Variants in ZNF596 observed in about 807,000 individuals in gnomAD.
ZNF596 encodes the protein zinc finger protein 596.
A neutral mutation model predicts 48.3 loss-of-function variants in ZNF596; 45 were observed. The observed-to-expected ratio is 0.93, with a 90% CI of 0.73 to 1.19. The LOEUF (loss-of-function observed/expected upper bound fraction) is 1.19. Among genes scored for constraint, ZNF596 ranks in the 50% most tolerant of loss-of-function variants. ZNF596 has a pLI of 0.00. For missense variants in ZNF596, 848 were observed against 599.7 expected, an observed-to-expected ratio of 1.41 and a Z score of -4.32; for synonymous variants, 270 against 202.0, an observed-to-expected ratio of 1.34 and a Z score of -2.85.
rs768995500 is a variant in ZNF596 at position 246,307 on chromosome 8, T to G, written c.1460T>G (p.Phe487Cys). Residue 487 changes from phenylalanine to cysteine, a missense_variant, in exon 6 of 6, where the codon TTT becomes TGT. Phe to Cys is a radical substitution (Grantham distance 205, BLOSUM62 -2). Transcript: ENST00000398612. ...CPLCGKAFSKFFNLRQHERTH... is the reference protein window; with the variant it reads ...CPLCGKAFSKCFNLRQHERTH... ...CTATGTGGGAAAGCCTTTAGTAAAT[T>G]TTTTAACCTTAGACAACATGAGAGA... The G allele has an allele frequency of 5.0e-6, 8 of 1,605,970 alleles. No individual in the cohort carries two copies. The highest frequency in any genetic ancestry group is 1.3e-5 in the African/African-American group (1 of 74,250).
chr8:240,928 T>C (rs758648390), intron 2 of ZNF596, 21 bp downstream of exon 2: 1 of 1,614,008 alleles, frequency 6.2e-7, no homozygotes, highest in Admixed American at 1.7e-5. Context: ...AATTCTTCTT[T>C]CTACTGAAAT....
chr8:244,446 G>A (rs1463853983), intron 4 of ZNF596, 173 bp from the exon 5 acceptor site: 1 of 581,966 alleles, frequency 1.7e-6, no homozygotes, highest in Non-Finnish European at 3.0e-6. Context: ...TTTATATGCT[G>A]AAAATGTCAG....
intron 2 of ZNF596, 138 bp downstream of exon 2, chr8:241,045 T>C (rs1796833658): frequency 3.2e-5 from 34 of 1,074,766 alleles, no homozygotes; most frequent in Non-Finnish European, 1.4e-5. Flanking sequence ...GGCTTCGGAA[T>C]GTTTACATTG....
intron 5 of ZNF596, 51 bp downstream of exon 5, chr8:244,752 T>C (rs1437146358): frequency 2.0e-6 from 3 of 1,491,988 alleles, no homozygotes; most frequent in African/African-American, 1.4e-5. Flanking sequence ...ACCTGGACAT[T>C]AAACAACTTT....
At position 240,862 on chromosome 8, in the gene ZNF596, C is replaced by T; in HGVS notation, c.-34C>T. ...GTGCTTGGATGGTGTGAGTGAAAAC[C>T]CAGAGGAATACATTTGGTGGCTGAG... On this transcript the variant is annotated 5_prime_UTR_variant, in exon 2 of 6. Transcript: ENST00000398612. 6.2e-7 allele frequency: 1 copy of T among 1,613,704 alleles called. No homozygotes were observed. Among genetic ancestry groups the T allele is most frequent in the Non-Finnish European group, 8.5e-7 (1 of 1,179,770 alleles).
At chr8:236,531 A>T (rs568463212) in intron 1 of ZNF596, among the ~76,000 whole-genome samples, 11 of 152,286 alleles carry the variant, frequency 7.2e-5, no homozygotes, top group African/African-American at 2.6e-4. Flanking sequence ...TAACTGCTGA[A>T]TATATTGTTG....
At chr8:232,878 T>C in intron 1 of ZNF596, 184 bp downstream of exon 1, 1 of 465,380 alleles carries the variant, frequency 2.1e-6, no homozygotes, top group Non-Finnish European at 4.5e-6. Flanking sequence ...GACAGGACCC[T>C]GAGTCCGAGA....
intron 1 of ZNF596, among the ~76,000 whole-genome samples, chr8:238,177 C>T (rs1217272757): frequency 6.6e-6 from 1 of 152,122 alleles, no homozygotes; most frequent in African/African-American, 2.4e-5. Context: ...CAGCGTGACT[C>T]CCATACTCTT....
At chr8:240,967 G>C (rs1300734903) in intron 2 of ZNF596, 60 bp downstream of exon 2, 3 of 1,595,862 alleles carry the variant, frequency 1.9e-6, no homozygotes, top group Non-Finnish European at 1.7e-6. Context: ...CCTAAGGGCA[G>C]ATTCATCCTA....
chr8:236,626 T>C (rs188885158), intron 1 of ZNF596, among the ~76,000 whole-genome samples: 173 of 152,346 alleles, frequency 1.1e-3, no homozygotes, highest in African/African-American at 3.3e-3. Flanking sequence ...ATTTAAATTA[T>C]ATGAAAATGT....
chr8:246,142 C>G lies in ZNF596; in HGVS notation c.1295C>G (p.Ser432Cys). 6.2e-7 allele frequency: 1 copy of G among 1,613,542 alleles called. No homozygotes were observed. Among genetic ancestry groups the G allele is most frequent in the Non-Finnish European group, 8.5e-7 (1 of 1,179,444 alleles). ...TGCGGAAAAGCCTTCAATCACTCTT[C>G]TGTCCTTAGACGACATGAGAGAACT... ...HLCGKAFNHS[S>C]VLRRHERTHT... is the part of the protein sequence containing the mutation. The change falls in exon 6 of 6, where the codon TCT (serine) becomes TGT (cysteine). Residue 432 changes from serine (S) to cysteine (C), a missense_variant. Ser to Cys is a moderately radical substitution (Grantham distance 112). Transcript: ENST00000398612.
intron 4 of ZNF596, 109 bp downstream of exon 4, chr8:243,914 A>T (rs1796956423): frequency 1.1e-6 from 1 of 881,762 alleles, no homozygotes; most frequent in Admixed American, 2.2e-5. Context: ...TTTAGACAGA[A>T]TCTCACTCTG....
rs779168179 is a variant in ZNF596, at chr8:240,850, G to A, written c.-46G>A. 1 of 1,612,958 alleles carries A rather than the reference G, an allele frequency of 6.2e-7. No individual in the cohort carries two copies. Among genetic ancestry groups the A allele is most frequent in the East Asian group, 2.2e-5 (1 of 44,870 alleles). Reference sequence around the variant, plus strand: ...TTTGTCTTCTTAGTGCTTGGATGGTGTGAGTGAAAACCCAGAGGAATACAT... The same window carrying A: ...TTTGTCTTCTTAGTGCTTGGATGGTATGAGTGAAAACCCAGAGGAATACAT... On this transcript the variant is annotated 5_prime_UTR_variant, in exon 2 of 6. In the 5' UTR this introduces an upstream ATG that the reference lacks. Transcript: ENST00000398612.
intron 1 of ZNF596, among the ~76,000 whole-genome samples, chr8:238,642 A>AT (rs1408422331): frequency 6.7e-6 from 1 of 149,980 alleles, no homozygotes; most frequent in East Asian, 2.0e-4. Context: ...AAAAAAAAAA[A>AT]AAAAAAAAAA....
At chr8:235,478 G>GTTT (rs543250255) in intron 1 of ZNF596, among the ~76,000 whole-genome samples, 1 of 143,856 alleles carries the variant, frequency 7.0e-6, no homozygotes, top group Admixed American at 7.0e-5. Flanking sequence ...CTGTATGTAT[G>GTTT]TTTTTTTTTT....
intron 1 of ZNF596, among the ~76,000 whole-genome samples, chr8:238,118 G>T (rs112304555): frequency 6.6e-6 from 1 of 152,194 alleles, no homozygotes; most frequent in African/African-American, 2.4e-5. Flanking sequence ...TGTGGAGATT[G>T]AGAAGCTCAC....
At chr8:233,748 T>A (rs894868779) in intron 1 of ZNF596, 14 of 152,240 alleles carry the variant, frequency 9.2e-5, no homozygotes, top group Non-Finnish European at 1.8e-4. Context: ...CTTTTTAAGG[T>A]TTATATTTTT....
chr8:239,241 T>C (rs945294917), intron 1 of ZNF596, among the ~76,000 whole-genome samples: 1 of 152,106 alleles, frequency 6.6e-6, no homozygotes, highest in Non-Finnish European at 1.5e-5. Context: ...CAGGCTGGAG[T>C]GCAGTGGTTC....
In ZNF596 at chr8:240,906, C is replaced by G; in HGVS notation, c.11C>G (p.Pro4Arg). Reference protein sequence around the residue: MPSPDSMTFEDIIV... With the variant: MPSRDSMTFEDIIV... The stretch of plus-strand genomic sequence containing the variant: ...GGCTGAGCTAGTACAATGCCATCAC[C>G]GGTGAGTGGGAAATTCTTCTTTCTA... The change falls in exon 2 of 6, where the codon CCG becomes CGG. Residue 4 changes from proline to arginine, a missense_variant and splice_region_variant. Coordinates refer to ENST00000398612, the MANE Select transcript of ZNF596 (RefSeq NM_001042416.3). 1 of 1,614,064 alleles carries G rather than the reference C, an allele frequency of 6.2e-7. No individual in the cohort carries two copies. The highest frequency in any genetic ancestry group is 8.5e-7 in the Non-Finnish European group (1 of 1,179,980).
Sources: gnomAD v4.1 joint callset for allele counts (sites outside exome capture counted in the v4.1 genomes callset) on GRCh38, gnomAD v4.1.1 for gene constraint, MANE v1.5 for transcripts, NCBI Gene and HGNC (gene_info 2026-07-23, HGNC 2026-07-21) for gene names.